Variants in PDGFRB observed in about 807,000 individuals in gnomAD.
PDGFRB encodes the protein platelet-derived growth factor receptor beta.
Under a neutral mutation model 120.2 loss-of-function variants are expected in PDGFRB, and 42 were observed. That is an observed-to-expected ratio of 0.35 (90% CI 0.27 to 0.45). The LOEUF is 0.45. PDGFRB is among the 20% of genes least tolerant of loss of function. The pLI is 1.00. For synonymous variants in PDGFRB, 586 were observed against 606.8 expected (o/e 0.97, Z 0.50); for missense variants, 1,149 against 1,476.3 (o/e 0.78, Z 3.63).
intron 1 of PDGFRB, among the ~76,000 whole-genome samples, chr5:150,145,574 A>G (rs1168618148): frequency 6.6e-6 from 1 of 152,238 alleles, no homozygotes; most frequent in Non-Finnish European, 1.5e-5. Flanking sequence ...TTGTTTGCCC[A>G]AAAGCTTGCC....
At position 150,121,899 on chromosome 5, in the gene PDGFRB, GT is replaced by G; in HGVS notation, c.2324del (p.Tyr775SerfsTer17). 6.2e-7 allele frequency: 1 copy of G among 1,613,268 alleles called. No individual in the cohort carries two copies. The highest frequency in any genetic ancestry group is 8.5e-7 in the Non-Finnish European group (1 of 1,179,212). On this transcript the variant is annotated frameshift_variant, in exon 16 of 23. Transcript: ENST00000261799. LOFTEE classifies it high-confidence loss of function. The surrounding 1 kb of genome is among the most constrained non-coding windows in gnomAD (Gnocchi z 4.1). ...DIESSNYMAP[Y>X]DNYVPSAPER... ...ACCCACCAGAGGGAACGTAGTTATCGTAAGGGGCCATGTAGTTGGAGGACTC... is the reference window on the plus strand; with the variant it reads ...ACCCACCAGAGGGAACGTAGTTATCGAAGGGGCCATGTAGTTGGAGGACTC...
At chr5:150,134,645 T>A in intron 4 of PDGFRB, 105 bp downstream of exon 4, 2 of 1,036,344 alleles carry the variant, frequency 1.9e-6, no homozygotes, top group Middle Eastern at 2.3e-4. Flanking sequence ...GTGGTGAGAA[T>A]CCACTGGGAA....
At chr5:150,117,919 T>C in intron 21 of PDGFRB, 69 bp from the exon 22 acceptor site, 1 of 845,304 alleles carries the variant, frequency 1.2e-6, no homozygotes, top group Non-Finnish European at 1.9e-6. Context: ...AGGGATCTTC[T>C]AACCGAGCCC....
At position 150,117,697 on chromosome 5, in the gene PDGFRB, C is replaced by G. The variant is rs909165088; in HGVS notation, c.3058G>C (p.Asp1020His). 3 of 1,613,792 alleles carry G rather than the reference C, an allele frequency of 1.9e-6. No homozygotes were observed. Among genetic ancestry groups the G allele is most frequent in the Non-Finnish European group, 2.5e-6 (3 of 1,179,784 alleles). The change falls in exon 22 of 23, where the codon GAC becomes CAC. Residue 1020 changes from aspartate to histidine, a missense_variant. Asp to His is a moderately conservative substitution (Grantham distance 81, BLOSUM62 -1). Transcript: ENST00000261799. ...TAVQPNEGDN[D>H]YIIPLPDPKP... ...GGGTCAGGCAGGGGGATGATATAGT[C>G]GTTGTCACCCTCATTGGGCTGCACG...
chr5:150,134,647 C>G, intron 4 of PDGFRB, 103 bp downstream of exon 4: 1 of 1,055,530 alleles, frequency 9.5e-7, no homozygotes, highest in Non-Finnish European at 1.4e-6. Flanking sequence ...GGTGAGAATC[C>G]ACTGGGAAGT....
In PDGFRB at chr5:150,144,676, G is replaced by A. The variant is rs943197824; in HGVS notation, c.-6-7623C>T. Reference sequence around the variant, plus strand: ...TACTTGGAACAGTGCGTGGGAAAGCGCTCAGTGTGTGCCTCACGGCTGCTG... The same window carrying A: ...TACTTGGAACAGTGCGTGGGAAAGCACTCAGTGTGTGCCTCACGGCTGCTG... On this transcript the variant is annotated intron_variant, in intron 1 of 22. Transcript: ENST00000261799. 2.6e-5 allele frequency among the ~76,000 whole-genome samples: 4 copies of A among 152,166 alleles called. No homozygotes were observed. In the East Asian group the frequency reaches 7.7e-4, roughly 29 times the overall value.
At chr5:150,139,352 A>G (rs1308250679) in intron 1 of PDGFRB, among the ~76,000 whole-genome samples, 2 of 152,136 alleles carry the variant, frequency 1.3e-5, no homozygotes, top group Non-Finnish European at 2.9e-5. Flanking sequence ...TGTGAGACTG[A>G]GCGAGTCTCC....
intron 19 of PDGFRB, 75 bp downstream of exon 19, chr5:150,119,937 C>A: frequency 1.2e-6 from 1 of 817,260 alleles, no homozygotes; most frequent in Non-Finnish European, 2.2e-6. Flanking sequence ...CATAGCCCCA[C>A]CAGGCCAGAG....
intron 10 of PDGFRB, among the ~76,000 whole-genome samples, chr5:150,129,173 C>G (rs1365026317): frequency 1.3e-5 from 2 of 152,224 alleles, no homozygotes; most frequent in Admixed American, 1.3e-4. Context: ...AGTTTGCATG[C>G]ATGCAAAGGA....
chr5:150,142,915 G>A (rs1033056700), intron 1 of PDGFRB, among the ~76,000 whole-genome samples: 1 of 152,114 alleles, frequency 6.6e-6, no homozygotes, highest in African/African-American at 2.4e-5. Flanking sequence ...CGGTGCCTAC[G>A]TGATAAGAGG....
intron 15 of PDGFRB, 145 bp downstream of exon 15, chr5:150,122,897 A>G: frequency 1.4e-6 from 1 of 714,096 alleles, no homozygotes; most frequent in Non-Finnish European, 2.4e-6. Flanking sequence ...GGGGTGGACC[A>G]TCTTGTGGAA....
chr5:150,134,157 C>T, intron 4 of PDGFRB, 149 bp from the exon 5 acceptor site: 2 of 723,518 alleles, frequency 2.8e-6, no homozygotes, highest in East Asian at 2.5e-5. Flanking sequence ...ATACCTACTA[C>T]ATGCCAAGTA....
chr5:150,132,079 C>A lies in PDGFRB; in HGVS notation c.1143G>T (p.Leu381=), dbSNP rs138127039. 3 of 1,594,700 alleles carry A rather than the reference C, an allele frequency of 1.9e-6. No homozygotes were observed. Among genetic ancestry groups the A allele is most frequent in the Non-Finnish European group, 2.6e-6 (3 of 1,162,394 alleles). The part of the protein sequence containing the change: ...NVSETRYVSE[L]TLVRVKVAEA... ...CTGCCACCTTCACGCGAACCAGTGT[C>A]AGCTCTGACACATACCTGGGGAGCA... is the stretch of plus-strand genomic sequence containing the variant. The change falls in exon 8 of 23, where the codon CTG becomes CTT. Residue 381 remains leucine (L), a synonymous_variant. Transcript: ENST00000261799. This position sits in a 1 kb window ranked among gnomAD's most constrained non-coding sequence, Gnocchi z 5.0.
chr5:150,134,199 C>T, intron 4 of PDGFRB, 191 bp from the exon 5 acceptor site: 2 of 603,176 alleles, frequency 3.3e-6, no homozygotes, highest in Non-Finnish European at 5.9e-6. Context: ...CAGTAGTGAA[C>T]AAAGTGGACA....
At chr5:150,149,782 C>T (rs1416744653) in intron 1 of PDGFRB, among the ~76,000 whole-genome samples, 1 of 152,168 alleles carries the variant, frequency 6.6e-6, no homozygotes, top group Admixed American at 6.5e-5. Flanking sequence ...GGAAACCCTG[C>T]CCCACCCTAT....
rs139967252 is a variant in PDGFRB, at chr5:150,119,200, T to C, written c.2798+267A>G. ...AGCTCTGGGACTTTTGCTGGCACTA[T>C]GGAGCAAGCAGTAGGACATGAGACT... On this transcript the variant is annotated intron_variant, in intron 20 of 22. Coordinates refer to ENST00000261799, the MANE Select transcript of PDGFRB (RefSeq NM_002609.4). 8.5e-5 allele frequency among the ~76,000 whole-genome samples: 13 copies of C among 152,286 alleles called. No homozygotes were observed. The East Asian group carries it at 2.5e-3, about 29-fold the overall frequency.
intron 10 of PDGFRB, among the ~76,000 whole-genome samples, chr5:150,126,828 C>G (rs565716067): frequency 1.3e-5 from 2 of 152,256 alleles, no homozygotes; most frequent in East Asian, 1.9e-4. Context: ...TAACTACCCC[C>G]ACTCAGATCA....
chr5:150,146,950 A>AG (rs1190606757), intron 1 of PDGFRB, among the ~76,000 whole-genome samples: 3 of 152,304 alleles, frequency 2.0e-5, no homozygotes, highest in African/African-American at 7.2e-5. Flanking sequence ...AAGTCGAGCT[A>AG]GGGATAGAAC....
chr5:150,119,673 G>C, intron 19 of PDGFRB, 107 bp from the exon 20 acceptor site: 1 of 735,290 alleles, frequency 1.4e-6, no homozygotes, highest in South Asian at 1.5e-5. Flanking sequence ...GTATGGGTAA[G>C]GGGGCAGTGC....
Sources: allele counts gnomAD v4.1 joint callset (sites outside exome capture counted in the v4.1 genomes callset), GRCh38; gene constraint gnomAD v4.1.1; non-coding constraint Gnocchi (gnomAD v3.1); transcripts MANE v1.5; gene names NCBI Gene and HGNC (gene_info 2026-07-23, HGNC 2026-07-21).